The following CAST variants were observed in gnomAD, a reference collection of about 807,000 sequenced individuals.
CAST encodes calpastatin.
A neutral mutation model predicts 119.6 loss-of-function variants in CAST; 76 were observed. The observed-to-expected ratio is 0.64, with a 90% CI of 0.53 to 0.77. CAST has a LOEUF of 0.77. Among genes scored for constraint, CAST ranks in the 30% least tolerant of loss-of-function variants. CAST has a pLI of 0.00. For synonymous variants in CAST, 319 were observed against 331.6 expected (o/e 0.96, Z 0.41); for missense variants, 953 against 946.5 (o/e 1.01, Z -0.09).
chr5:96,211,506 C>T, the CAST span, among the ~76,000 whole-genome samples: 1 of 151,990 alleles, frequency 6.6e-6, no homozygotes, highest in African/African-American at 2.4e-5. Flanking sequence ...ATGGAATATA[C>T]TTAATTTCTC....
the CAST span, among the ~76,000 whole-genome samples, chr5:96,120,561 C>A: frequency 1.3e-5 from 2 of 151,118 alleles, no homozygotes; most frequent in Non-Finnish European, 2.9e-5. Context: ...CAGGCTCTGA[C>A]CCTGTGCCCT....
chr5:96,767,381 C>T (rs1770365000), intron 27 of CAST, 57 bp from the exon 28 acceptor site: 2 of 1,431,612 alleles, frequency 1.4e-6, no homozygotes, highest in East Asian at 2.3e-5. Context: ...ACTGCCTAAA[C>T]CTAAGTAAAC....
chr5:96,387,641 A>T, the CAST span, among the ~76,000 whole-genome samples: 7 of 152,178 alleles, frequency 4.6e-5, no homozygotes, highest in African/African-American at 9.7e-5. Context: ...GGAACACTCA[A>T]ATGATACTCT....
At chr5:96,487,909 C>T in the CAST span, among the ~76,000 whole-genome samples, 1 of 152,154 alleles carries the variant, frequency 6.6e-6, no homozygotes, top group Non-Finnish European at 1.5e-5. Flanking sequence ...ACATTAGGAA[C>T]AAAATGCAGA....
the CAST span, among the ~76,000 whole-genome samples, chr5:96,283,112 A>G: frequency 7.2e-6 from 1 of 139,028 alleles, no homozygotes; most frequent in African/African-American, 2.7e-5. Flanking sequence ...CCTGGGCCAC[A>G]GAGCGAGACT....
At chr5:96,586,846 GT>G (rs1394445370) in intron 1 of CAST, among the ~76,000 whole-genome samples, 9 of 152,206 alleles carry the variant, frequency 5.9e-5, no homozygotes, top group Non-Finnish European at 8.8e-5. Context: ...TCTACTAGGT[GT>G]TAGCCAGGCA....
chr5:96,167,423 A>C, the CAST span, among the ~76,000 whole-genome samples: 22 of 152,176 alleles, frequency 1.4e-4, no homozygotes, highest in African/African-American at 4.8e-4. Context: ...GTCTGGGATG[A>C]GACTGGGGCC....
chr5:96,461,758 A>G, the CAST span, among the ~76,000 whole-genome samples: 1 of 152,190 alleles, frequency 6.6e-6, no homozygotes, highest in East Asian at 1.9e-4. Context: ...GTCAGTGAAT[A>G]TCACAGGTCA....
intron 10 of CAST, among the ~76,000 whole-genome samples, chr5:96,736,873 C>G (rs746397422): frequency 2.0e-5 from 3 of 152,106 alleles, no homozygotes; most frequent in Non-Finnish European, 2.9e-5. Flanking sequence ...TTCCCTGAGA[C>G]TGGGTAATTT....
At chr5:96,153,514 C>T in the CAST span, among the ~76,000 whole-genome samples, 1 of 152,136 alleles carries the variant, frequency 6.6e-6, no homozygotes, top group Non-Finnish European at 1.5e-5. Context: ...GCTGGAGGAC[C>T]ACCATTTTTA....
the CAST span, among the ~76,000 whole-genome samples, chr5:96,397,950 A>G: frequency 1.3e-5 from 2 of 151,954 alleles, no homozygotes; most frequent in Admixed American, 1.3e-4. Context: ...AATCATAATT[A>G]TTTAATTAAT....
the CAST span, among the ~76,000 whole-genome samples, chr5:96,141,732 G>T: frequency 1.3e-5 from 2 of 152,326 alleles, no homozygotes; most frequent in South Asian, 2.1e-4. Context: ...CCTACAGCTT[G>T]TAAAGATAAA....
chr5:96,662,297 C>G (rs1023240710), upstream of CAST: 73 of 1,182,200 alleles, frequency 6.2e-5, no homozygotes, highest in Middle Eastern at 1.3e-3. Flanking sequence ...AAAGCTGTTT[C>G]ATCGCCCGCT....
intron 1 of CAST, among the ~76,000 whole-genome samples, chr5:96,618,408 G>A (rs1747515487): frequency 6.6e-6 from 1 of 152,232 alleles, no homozygotes; most frequent in Admixed American, 6.5e-5. Context: ...GTCCACTCTG[G>A]CCATGCTTGA....
Position 96,765,328 on chromosome 5 carries a change from A to T in CAST, c.2037+3A>T, listed in dbSNP as rs778902514. On this transcript the variant is annotated splice_donor_region_variant and intron_variant, in intron 26 of 31. Coordinates refer to ENST00000675179, the MANE Select transcript of CAST (RefSeq NM_001750.7). ...AACCAATGGAAGATAAAGTAAAGGT[A>T]AAAAAAAAAAAAAAAAAAAAAAAAA... The T allele has an allele frequency of 9.2e-4, 8 of 8,660 alleles. No individual in the cohort carries two copies. The highest frequency in any genetic ancestry group is 5.3e-3 in the Admixed American group (2 of 374). 0.5% of individuals were successfully genotyped at this position (8,660 alleles called of 1,614,324 possible).
chr5:96,669,058 T>C (rs1240654692), intron 1 of CAST, among the ~76,000 whole-genome samples: 2 of 152,198 alleles, frequency 1.3e-5, no homozygotes, highest in African/African-American at 4.8e-5. Flanking sequence ...TAAACCCAAC[T>C]TGAGGCCATC....
chr5:96,249,583 T>G, the CAST span, among the ~76,000 whole-genome samples: 4 of 152,192 alleles, frequency 2.6e-5, no homozygotes, highest in African/African-American at 7.2e-5. Context: ...TCTATATAAA[T>G]TTGGACAAAT....
At chr5:96,570,562 A>C (rs1746550581) in intron 1 of CAST, among the ~76,000 whole-genome samples, 1 of 152,198 alleles carries the variant, frequency 6.6e-6, no homozygotes. Flanking sequence ...GGATGAGAAA[A>C]GAGACATTTG....
chr5:96,368,839 C>T, the CAST span, among the ~76,000 whole-genome samples: 1 of 152,030 alleles, frequency 6.6e-6, no homozygotes. Flanking sequence ...TTCCTTCTAC[C>T]CACACCCTTA....
Sources: gnomAD v4.1 joint callset for allele counts (sites outside exome capture counted in the v4.1 genomes callset) on GRCh38, gnomAD v4.1.1 for gene constraint, MANE v1.5 for transcripts, NCBI Gene and HGNC (gene_info 2026-07-23, HGNC 2026-07-21) for gene names.